IL1RAPL1: variants seen among roughly 807,000 people sequenced by gnomAD.
The protein encoded by IL1RAPL1 is interleukin 1 receptor accessory protein like 1.
Under a neutral mutation model 48.4 loss-of-function variants are expected in IL1RAPL1, and 3 were observed. The ratio of observed to expected loss-of-function variants is 0.06; its 90% CI spans 0.03 to 0.16. The LOEUF (loss-of-function observed/expected upper bound fraction) is 0.16, where lower values mean the gene tolerates loss of function less well. Among genes scored for constraint, IL1RAPL1 ranks in the 10% least tolerant of loss-of-function variants. The pLI is 1.00. For missense variants in IL1RAPL1, 349 were observed against 530.6 expected, an observed-to-expected ratio of 0.66 and a Z score of 3.36; for synonymous variants, 185 against 187.7, an observed-to-expected ratio of 0.99 and a Z score of 0.12.
rs113741701 is a variant in IL1RAPL1 at position 29,396,510 on chromosome X, T to C, written c.549+66T>C. On this transcript the variant is annotated intron_variant, in intron 4 of 10. Transcript: ENST00000378993. ...ATTGTGCCTTATATTCTGGGACAAA[T>C]TGGATAGAAAACTTAGATGGGTGTG... 54 of 1,030,864 alleles carry C rather than the reference T, an allele frequency of 5.2e-5. 3 individuals are homozygous for C. Among genetic ancestry groups the C allele is most frequent in the African/African-American group, 3.0e-4 (16 of 53,814 alleles). The allele number at this position is 1,030,864 out of a possible 1,213,427, so 85.0% of individuals were successfully genotyped here. A position where few individuals can be genotyped will look rare whatever the true frequency, so the allele number is the denominator to read the frequency against.
rs761413786 is a variant in IL1RAPL1, at chrX:28,831,296, C to T, written c.82+41871C>T. Among the ~76,000 whole-genome samples the T allele has an allele frequency of 1.3e-4, 13 of 102,402 alleles. No individual in the cohort carries two copies. In the South Asian group the frequency reaches 6.2e-3, roughly 49 times the overall value. 88.9% of individuals were successfully genotyped at this position (102,402 alleles called of 115,157 possible). On this transcript the variant is annotated intron_variant, in intron 2 of 10. Transcript: ENST00000378993. ...TCTCATTTTATAGATTTTTCTTTTA[C>T]ATTTTTTGTCTATCTTCTTGTTTGT...
chrX:29,618,283 G>A (rs972957039), intron 5 of IL1RAPL1, among the ~76,000 whole-genome samples: 3 of 111,530 alleles, frequency 2.7e-5, no homozygotes, highest in Admixed American at 1.9e-4. Flanking sequence ...TGCATACTAG[G>A]TAAGTGTCCT....
chrX:28,592,881 A>C (rs1933919385), intron 1 of IL1RAPL1, among the ~76,000 whole-genome samples: 2 of 111,888 alleles, frequency 1.8e-5, no homozygotes, highest in African/African-American at 6.5e-5. Context: ...ATTAATAGCA[A>C]GCATTTTCTT....
chrX:29,089,776 A>ATATG (rs1555961755), intron 2 of IL1RAPL1, among the ~76,000 whole-genome samples: 4 of 82,304 alleles, frequency 4.9e-5, no homozygotes, highest in African/African-American at 1.8e-4. Context: ...ATATATATAT[A>ATATG]TATATATATA....
intron 2 of IL1RAPL1, among the ~76,000 whole-genome samples, chrX:28,863,364 C>T (rs1000030479): frequency 1.0e-3 from 108 of 108,241 alleles, no homozygotes; most frequent in Non-Finnish European, 1.7e-3. Flanking sequence ...TGGTTGTGTT[C>T]CAATAAACCT....
intron 5 of IL1RAPL1, among the ~76,000 whole-genome samples, chrX:29,471,719 C>A (rs111464714): frequency 9.0e-6 from 1 of 110,965 alleles, no homozygotes; most frequent in African/African-American, 3.3e-5. Context: ...TCCCCCTCCC[C>A]CTAGGCCCTG....
intron 5 of IL1RAPL1, among the ~76,000 whole-genome samples, chrX:29,570,314 G>A (rs2147797811): frequency 8.9e-6 from 1 of 112,080 alleles, no homozygotes; most frequent in East Asian, 2.8e-4. Flanking sequence ...TAATTTAAAT[G>A]ACAAATAAAA....
intron 2 of IL1RAPL1, among the ~76,000 whole-genome samples, chrX:29,087,134 ATTTT>A (rs34132994): frequency 4.7e-5 from 4 of 84,697 alleles, no homozygotes; most frequent in Admixed American, 1.4e-4. Flanking sequence ...TTATTTAAAA[ATTTT>A]TTTTTTTTTT....
intron 5 of IL1RAPL1, among the ~76,000 whole-genome samples, chrX:29,498,173 T>TA (rs1374123770): frequency 8.9e-6 from 1 of 112,263 alleles, no homozygotes; most frequent in East Asian, 2.8e-4. Flanking sequence ...CAGTCGTGAT[T>TA]TTTCTGTCAG....
chrX:29,588,046 G>C (rs895536350), intron 5 of IL1RAPL1, among the ~76,000 whole-genome samples: 1 of 112,398 alleles, frequency 8.9e-6, no homozygotes. Context: ...TGCTTACAGT[G>C]GTTAATATTT....
intron 6 of IL1RAPL1, among the ~76,000 whole-genome samples, chrX:29,882,616 A>G (rs1387531043): frequency 1.8e-5 from 2 of 111,789 alleles, no homozygotes; most frequent in Non-Finnish European, 3.8e-5. Flanking sequence ...TATACAATAC[A>G]TAAACAAGTG....
intron 2 of IL1RAPL1, among the ~76,000 whole-genome samples, chrX:28,873,738 A>G (rs1357085572): frequency 1.1e-4 from 12 of 106,315 alleles, no homozygotes; most frequent in African/African-American, 3.1e-4. Flanking sequence ...TCACTGTGTT[A>G]GCCAGGATGG....
At chrX:29,903,759 T>G (rs1264318348) in intron 6 of IL1RAPL1, among the ~76,000 whole-genome samples, 1 of 111,762 alleles carries the variant, frequency 8.9e-6, no homozygotes, top group Non-Finnish European at 1.9e-5. Flanking sequence ...TCATTTTAGA[T>G]AGGAATGATT....
At chrX:28,662,672 A>G (rs1341648770) in intron 1 of IL1RAPL1, among the ~76,000 whole-genome samples, 1 of 111,747 alleles carries the variant, frequency 8.9e-6, no homozygotes, top group Admixed American at 9.6e-5. Context: ...GAGAAGAGCC[A>G]TGTTTATAAG....
chrX:28,769,322 AC>A (rs1331317533), intron 1 of IL1RAPL1, among the ~76,000 whole-genome samples: 1 of 111,086 alleles, frequency 9.0e-6, no homozygotes, highest in East Asian at 2.8e-4. Flanking sequence ...TTGATATATA[AC>A]ATAGAACATA....
chrX:29,598,154 G>T (rs1454528314), intron 5 of IL1RAPL1, among the ~76,000 whole-genome samples: 1 of 111,918 alleles, frequency 8.9e-6, no homozygotes, highest in African/African-American at 3.2e-5. Context: ...TTTTGAGGCA[G>T]GCATTTAATA....
At chrX:28,877,349 A>G (rs1251670776) in intron 2 of IL1RAPL1, among the ~76,000 whole-genome samples, 1 of 112,605 alleles carries the variant, frequency 8.9e-6, no homozygotes, top group Non-Finnish European at 1.9e-5. Context: ...CATGCTTACA[A>G]TGTTTCTGGT....
intron 1 of IL1RAPL1, among the ~76,000 whole-genome samples, chrX:28,645,760 C>A (rs981625294): frequency 1.8e-5 from 2 of 111,534 alleles, no homozygotes; most frequent in Non-Finnish European, 3.8e-5. Flanking sequence ...TTTTTCTTTG[C>A]AGTTTCTAGT....
At chrX:29,336,665 T>TTAAG (rs1933001280) in intron 3 of IL1RAPL1, among the ~76,000 whole-genome samples, 1 of 110,939 alleles carries the variant, frequency 9.0e-6, no homozygotes, top group African/African-American at 3.3e-5. Flanking sequence ...ATTTCTGTGC[T>TTAAG]TAAGTTCGAT....
Sources: allele counts gnomAD v4.1 joint callset (sites outside exome capture counted in the v4.1 genomes callset), GRCh38; gene constraint gnomAD v4.1.1; transcripts MANE v1.5; gene names NCBI Gene and HGNC (gene_info 2026-07-23, HGNC 2026-07-21).